HMGB1: variants seen among roughly 807,000 people sequenced by gnomAD.
The protein encoded by HMGB1 is high mobility group protein B1.
For synonymous variants in HMGB1, 81 were observed against 84.0 expected (o/e 0.96, Z 0.19); for missense variants, 79 against 253.5 (o/e 0.31, Z 4.67).
At chr13:30,484,017 T>A (rs1404680927) in intron 1 of HMGB1, among the ~76,000 whole-genome samples, 1 of 152,194 alleles carries the variant, frequency 6.6e-6, no homozygotes, top group Non-Finnish European at 1.5e-5. Context: ...TGGGAGGTCC[T>A]GGGATGGTCA....
At chr13:30,514,358 T>TC (rs1407311216) in intron 1 of HMGB1, among the ~76,000 whole-genome samples, 1 of 150,520 alleles carries the variant, frequency 6.6e-6, no homozygotes, top group Non-Finnish European at 1.5e-5. Context: ...CAATCTTTTT[T>TC]TTTTTTTTTT....
chr13:30,465,537 C>T (rs1197951369), intron 1 of HMGB1, among the ~76,000 whole-genome samples: 2 of 150,994 alleles, frequency 1.3e-5, no homozygotes, highest in South Asian at 2.1e-4. Flanking sequence ...TCAGCGCGGA[C>T]GCCGCCGGGG....
exon 1 of HMGB1, chr13:30,617,243 G>GA (rs1232248361): frequency 6.6e-6 from 1 of 152,438 alleles, no homozygotes; most frequent in East Asian, 1.9e-4. Flanking sequence ...GGGAGGAAAG[G>GA]AGGAGAAACA....
At chr13:30,524,190 G>A (rs1888302939) in intron 1 of HMGB1, among the ~76,000 whole-genome samples, 1 of 151,940 alleles carries the variant, frequency 6.6e-6, no homozygotes, top group African/African-American at 2.4e-5. Context: ...GCCTGTCAAG[G>A]GGTGGGGAGC....
exon 1 of HMGB1, chr13:30,617,253 A>AC (rs1950575741): frequency 6.6e-6 from 1 of 152,260 alleles, no homozygotes; most frequent in Non-Finnish European, 1.5e-5. Context: ...GAGGAGAAAC[A>AC]CCCCAGAATC....
At chr13:30,508,434 C>T (rs1044268757) in intron 1 of HMGB1, among the ~76,000 whole-genome samples, 1 of 152,100 alleles carries the variant, frequency 6.6e-6, no homozygotes, top group Non-Finnish European at 1.5e-5. Context: ...ATTGCTTGAA[C>T]CTGGGAGGCA....
At chr13:30,527,469 T>C (rs1309753980) in intron 1 of HMGB1, among the ~76,000 whole-genome samples, 1 of 151,946 alleles carries the variant, frequency 6.6e-6, no homozygotes, top group East Asian at 1.9e-4. Context: ...TGGTCCACAG[T>C]GGCTGGGGAC....
intron 4 of HMGB1, 42 bp from the exon 5 acceptor site, chr13:30,461,575 A>T: frequency 6.4e-7 from 1 of 1,569,000 alleles, no homozygotes; most frequent in Non-Finnish European, 8.7e-7. Context: ...GGAAGAAAAA[A>T]ACATTAAGGA....
chr13:30,513,159 C>G (rs1336196118), intron 1 of HMGB1, among the ~76,000 whole-genome samples: 1 of 152,026 alleles, frequency 6.6e-6, no homozygotes, highest in Non-Finnish European at 1.5e-5. Flanking sequence ...CAGAGTGAGA[C>G]TGCATCTCAA....
intron 1 of HMGB1, among the ~76,000 whole-genome samples, chr13:30,538,238 C>T (rs572036463): frequency 1.4e-4 from 21 of 152,230 alleles, no homozygotes; most frequent in African/African-American, 4.8e-4. Flanking sequence ...TGTTTCCATC[C>T]GACTGACAGG....
At chr13:30,580,122 T>C (rs1870837308) in intron 1 of HMGB1, among the ~76,000 whole-genome samples, 1 of 152,210 alleles carries the variant, frequency 6.6e-6, no homozygotes, top group African/African-American at 2.4e-5. Flanking sequence ...TCAAATAAAT[T>C]ACTTAATCTC....
In HMGB1 at chr13:30,561,432, A is replaced by T. The variant is rs919277920; in HGVS notation, c.-15+55239T>A. 1.6e-4 allele frequency among the ~76,000 whole-genome samples: 24 copies of T among 152,234 alleles called. 1 individual carries two copies. Among genetic ancestry groups the T allele is most frequent in the Admixed American group, 1.5e-3 (23 of 15,286 alleles). ...ACACAAGAAGAGAGGCTTGCAAAGGAGCCTGAGCAGCTGTCATGAGAGAGG... is the reference window on the plus strand; with the variant it reads ...ACACAAGAAGAGAGGCTTGCAAAGGTGCCTGAGCAGCTGTCATGAGAGAGG... On this transcript the variant is annotated intron_variant, in intron 1 of 4. Transcript: ENST00000405805.
At chr13:30,511,708 A>G (rs1329078493) in intron 1 of HMGB1, among the ~76,000 whole-genome samples, 4 of 151,930 alleles carry the variant, frequency 2.6e-5, no homozygotes, top group African/African-American at 4.8e-5. Context: ...TGTCCCATCT[A>G]TCTCCCTTGC....
At chr13:30,610,727 C>A (rs1950505574) in intron 1 of HMGB1, among the ~76,000 whole-genome samples, 1 of 135,076 alleles carries the variant, frequency 7.4e-6, no homozygotes. Context: ...AATCTAATGC[C>A]TACACTAAAA....
intron 1 of HMGB1, among the ~76,000 whole-genome samples, chr13:30,543,851 C>G (rs879321271): frequency 1.3e-5 from 2 of 152,180 alleles, no homozygotes; most frequent in South Asian, 2.1e-4. Context: ...CTCTATAAAA[C>G]GAACTGAAAT....
chr13:30,492,712 C>G (rs533201243), intron 1 of HMGB1, among the ~76,000 whole-genome samples: 3 of 152,048 alleles, frequency 2.0e-5, no homozygotes, highest in Non-Finnish European at 4.4e-5. Context: ...TAAACATGGC[C>G]GGGCACGCTG....
rs141416083 is a variant in HMGB1 at position 30,591,003 on chromosome 13, A to G, written c.-15+25668T>C. ...GACAAAGGTGGACTAAGGCAGGATA[A>G]CAGGTTAGAAAAGGAGGCAGGGCCT... is the stretch of plus-strand genomic sequence containing the variant. On this transcript the variant is annotated intron_variant, in intron 1 of 4. Coordinates refer to the HMGB1 transcript ENST00000405805. Among the ~76,000 whole-genome samples the G allele has an allele frequency of 5.0e-3, 757 of 151,732 alleles. 5 individuals carry two copies. Among genetic ancestry groups the G allele is most frequent in the African/African-American group, 0.017 (694 of 41,278 alleles).
At chr13:30,492,537 T>C (rs1887520240) in intron 1 of HMGB1, among the ~76,000 whole-genome samples, 1 of 152,114 alleles carries the variant, frequency 6.6e-6, no homozygotes, top group Non-Finnish European at 1.5e-5. Flanking sequence ...TTGTTAGTTA[T>C]CTGGAAAACA....
At chr13:30,587,168 T>C (rs891410817) in intron 1 of HMGB1, among the ~76,000 whole-genome samples, 11 of 152,208 alleles carry the variant, frequency 7.2e-5, no homozygotes, top group African/African-American at 2.7e-4. Context: ...GCTAAATCAG[T>C]ACTGGTGTCA....
Sources: gnomAD v4.1 joint callset for allele counts (sites outside exome capture counted in the v4.1 genomes callset) on GRCh38, gnomAD v4.1.1 for gene constraint, MANE v1.5 for transcripts, NCBI Gene and HGNC (gene_info 2026-07-23, HGNC 2026-07-21) for gene names.